Variants in EXTL3 observed in about 807,000 individuals in gnomAD.
EXTL3 encodes exostosin-like 3.
Under a neutral mutation model 69.3 loss-of-function variants are expected in EXTL3, and 27 were observed. That is an observed-to-expected ratio of 0.39 (90% CI 0.29 to 0.54). The LOEUF (loss-of-function observed/expected upper bound fraction) is 0.54, where lower values mean the gene tolerates loss of function less well. Ranked by LOEUF, EXTL3 falls within the 20% of genes least tolerant of loss-of-function variation. The pLI is 0.69. For synonymous variants in EXTL3, 511 were observed against 499.4 expected (o/e 1.02, Z -0.31); for missense variants, 1,003 against 1,231.8 (o/e 0.81, Z 2.78).
intron 1 of EXTL3, among the ~76,000 whole-genome samples, chr8:28,640,848 T>C (rs1806731092): frequency 6.6e-6 from 1 of 152,214 alleles, no homozygotes; most frequent in Admixed American, 6.5e-5. Flanking sequence ...GTGATCCTCC[T>C]GTCTCAGTCT....
intron 1 of EXTL3, among the ~76,000 whole-genome samples, chr8:28,689,143 GTTGT>G (rs887079454): frequency 6.6e-6 from 1 of 152,172 alleles, no homozygotes; most frequent in African/African-American, 2.4e-5. Flanking sequence ...TGCTGACCCA[GTTGT>G]GGAGCTCAGC....
upstream of EXTL3, chr8:28,699,556 T>A (rs1800743232): frequency 6.6e-6 from 1 of 152,508 alleles, no homozygotes; most frequent in Non-Finnish European, 1.5e-5. Flanking sequence ...TTGCCCAGGC[T>A]GGAGTGCAGT....
At chr8:28,617,429 A>G (rs1264583578) in intron 2 of EXTL3, among the ~76,000 whole-genome samples, 1 of 152,248 alleles carries the variant, frequency 6.6e-6, no homozygotes, top group Non-Finnish European at 1.5e-5. Flanking sequence ...AGGAATGTAT[A>G]TGTACAATAT....
chr8:28,676,769 A>G (rs1168891272), intron 1 of EXTL3, among the ~76,000 whole-genome samples: 1 of 152,178 alleles, frequency 6.6e-6, no homozygotes, highest in African/African-American at 2.4e-5. Context: ...CAAAGTGGTG[A>G]CCAGAGACAG....
At chr8:28,742,364 C>T (rs1454818381) in intron 5 of EXTL3, 1 of 152,530 alleles carries the variant, frequency 6.6e-6, no homozygotes, top group African/African-American at 2.4e-5. Flanking sequence ...CTCCAACACA[C>T]CCCTCTGTGG....
chr8:28,645,175 A>T (rs955026152), intron 1 of EXTL3, among the ~76,000 whole-genome samples: 5 of 152,236 alleles, frequency 3.3e-5, no homozygotes, highest in African/African-American at 7.2e-5. Context: ...ACACTAAAAA[A>T]GAAACAAACA....
At chr8:28,720,502 T>G (rs557046313) in intron 3 of EXTL3, among the ~76,000 whole-genome samples, 19 of 152,352 alleles carry the variant, frequency 1.2e-4, no homozygotes, top group Non-Finnish European at 2.4e-4. Flanking sequence ...AAGGATTGTC[T>G]TAGGGGTGCC....
At chr8:28,683,945 C>T (rs934012850) in intron 1 of EXTL3, among the ~76,000 whole-genome samples, 1 of 152,122 alleles carries the variant, frequency 6.6e-6, no homozygotes, top group Non-Finnish European at 1.5e-5. Flanking sequence ...TTTCTAGCCT[C>T]AGGTAACCAT....
At chr8:28,635,210 T>C (rs1456101616) in intron 1 of EXTL3, among the ~76,000 whole-genome samples, 6 of 151,976 alleles carry the variant, frequency 3.9e-5, no homozygotes, top group Admixed American at 3.9e-4. Context: ...TTTCTTTTCC[T>C]TTATGTGAAG....
intron 1 of EXTL3, among the ~76,000 whole-genome samples, chr8:28,630,104 T>C (rs1806550628): frequency 6.6e-6 from 1 of 152,152 alleles, no homozygotes; most frequent in African/African-American, 2.4e-5. Context: ...GAATTGTTGC[T>C]CCCATAATCT....
At chr8:28,611,598 T>A (rs935786988) in intron 2 of EXTL3, among the ~76,000 whole-genome samples, 1 of 152,178 alleles carries the variant, frequency 6.6e-6, no homozygotes, top group Admixed American at 6.6e-5. Context: ...GAGCATGATC[T>A]CCATGCTTTC....
In EXTL3 at chr8:28,661,246, T is replaced by G. The variant is rs945929377; in HGVS notation, c.-53+38436T>G. On this transcript the variant is annotated intron_variant, in intron 1 of 6. Transcript: ENST00000523149. ...CAATAAAGTCTACCAATTTGAAGTG[T>G]ATAATTTGATAATTTTGGTCATTGT... Among the ~76,000 whole-genome samples the G allele has an allele frequency of 3.9e-5, 6 of 152,184 alleles. No homozygotes were observed. The South Asian group carries it at 8.3e-4, about 21-fold the overall frequency.
At chr8:28,676,971 A>C (rs1807394679) in intron 1 of EXTL3, among the ~76,000 whole-genome samples, 1 of 152,132 alleles carries the variant, frequency 6.6e-6, no homozygotes, top group Admixed American at 6.5e-5. Flanking sequence ...TTTGGGTAGC[A>C]CTGGAATAGG....
At chr8:28,719,065 T>G (rs570085316) in intron 3 of EXTL3, among the ~76,000 whole-genome samples, 21 of 152,160 alleles carry the variant, frequency 1.4e-4, no homozygotes, top group Non-Finnish European at 2.5e-4. Context: ...CTGCTGCATA[T>G]GTAGTTACTT....
chr8:28,612,484 A>G (rs1056534689), intron 2 of EXTL3, among the ~76,000 whole-genome samples: 1 of 151,774 alleles, frequency 6.6e-6, no homozygotes, highest in African/African-American at 2.4e-5. Flanking sequence ...AAAAGAAAAA[A>G]GAAAAAAAGA....
chr8:28,719,431 A>G lies in EXTL3; in HGVS notation c.2148+1224A>G, dbSNP rs886926158. Among the ~76,000 whole-genome samples the G allele has an allele frequency of 9.9e-4, 151 of 152,350 alleles. 1 individual carries two copies. Among genetic ancestry groups the G allele is most frequent in the African/African-American group, 3.3e-3 (137 of 41,598 alleles). ...TGGGCAGCTTTAACTGACTTCACTC[A>G]TAAAGGCTTCTTGTATCCTCTCTAC... On this transcript the variant is annotated intron_variant, in intron 3 of 6. Coordinates refer to ENST00000220562, the MANE Select transcript of EXTL3 (RefSeq NM_001440.4).
intron 1 of EXTL3, among the ~76,000 whole-genome samples, chr8:28,626,036 G>T (rs1806485714): frequency 6.8e-6 from 1 of 146,480 alleles, no homozygotes; most frequent in Admixed American, 6.8e-5. Context: ...GCCAGGTGAG[G>T]TGGTGCACAC....
chr8:28,705,826 C>G (rs1163430532), intron 1 of EXTL3, among the ~76,000 whole-genome samples: 2 of 152,142 alleles, frequency 1.3e-5, no homozygotes, highest in African/African-American at 2.4e-5. Context: ...TACATCGCTA[C>G]CCAGCCCTTA....
At chr8:28,735,467 G>C (rs542481900) in intron 4 of EXTL3, among the ~76,000 whole-genome samples, 4 of 152,216 alleles carry the variant, frequency 2.6e-5, no homozygotes, top group Non-Finnish European at 4.4e-5. Context: ...TGCAGGTGGT[G>C]AGAGAATAAT....
Sources: allele counts gnomAD v4.1 joint callset (sites outside exome capture counted in the v4.1 genomes callset), GRCh38; gene constraint gnomAD v4.1.1; transcripts MANE v1.5; gene names NCBI Gene and HGNC (gene_info 2026-07-23, HGNC 2026-07-21).